The following TBC1D5 variants were observed in gnomAD, a reference collection of about 807,000 sequenced individuals.
The protein encoded by TBC1D5 is TBC1 domain family, member 5.
A neutral mutation model predicts 100.3 loss-of-function variants in TBC1D5; 75 were observed. That is an observed-to-expected ratio of 0.75 (90% CI 0.62 to 0.91). TBC1D5 has a LOEUF of 0.91. Ranked by LOEUF, TBC1D5 falls within the 40% of genes least tolerant of loss-of-function variation. TBC1D5 has a pLI of 0.00. For synonymous variants in TBC1D5, 323 were observed against 325.6 expected, an observed-to-expected ratio of 0.99 and a Z score of 0.09; for missense variants, 910 against 942.4, an observed-to-expected ratio of 0.97 and a Z score of 0.45.
chr3:17,326,901 T>C (rs1391571307), intron 13 of TBC1D5, among the ~76,000 whole-genome samples: 1 of 152,218 alleles, frequency 6.6e-6, no homozygotes, highest in African/African-American at 2.4e-5. Flanking sequence ...CCAAAAACCT[T>C]GGAGTCTTCA....
intron 13 of TBC1D5, among the ~76,000 whole-genome samples, chr3:17,343,073 TG>T (rs1246812374): frequency 6.6e-6 from 1 of 152,200 alleles, no homozygotes; most frequent in Non-Finnish European, 1.5e-5. Flanking sequence ...TTCCAGTTTT[TG>T]CCCATTCAGT....
chr3:17,398,884 CCAAA>C (rs1468951944), intron 8 of TBC1D5, among the ~76,000 whole-genome samples: 1 of 151,786 alleles, frequency 6.6e-6, no homozygotes, highest in African/African-American at 2.4e-5. Flanking sequence ...AAATAAAAGA[CCAAA>C]CAAAATTAAA....
intron 1 of TBC1D5, among the ~76,000 whole-genome samples, chr3:17,689,518 CAAAA>C (rs373476990): frequency 5.4e-5 from 3 of 55,064 alleles, no homozygotes. Flanking sequence ...GACCCTGTCT[CAAAA>C]AAAAAAAAAA....
intron 1 of TBC1D5, among the ~76,000 whole-genome samples, chr3:17,632,056 T>C (rs1414381614): frequency 6.6e-6 from 1 of 152,232 alleles, no homozygotes; most frequent in African/African-American, 2.4e-5. Context: ...CAAAGTCAAT[T>C]GAAACCTTCT....
At chr3:17,313,963 G>T (rs2084356415) in intron 13 of TBC1D5, among the ~76,000 whole-genome samples, 2 of 152,102 alleles carry the variant, frequency 1.3e-5, no homozygotes, top group Admixed American at 1.3e-4. Flanking sequence ...TACCCTCCGG[G>T]GTTATCACTG....
intron 4 of TBC1D5, among the ~76,000 whole-genome samples, chr3:17,427,963 G>GT (rs1432042939): frequency 6.6e-6 from 1 of 151,814 alleles, no homozygotes; most frequent in Non-Finnish European, 1.5e-5. Flanking sequence ...TAATTGAGAA[G>GT]TAATAGCCCT....
intron 3 of TBC1D5, among the ~76,000 whole-genome samples, chr3:17,439,069 A>G (rs995301882): frequency 6.6e-6 from 1 of 152,190 alleles, no homozygotes; most frequent in African/African-American, 2.4e-5. Context: ...CTTCAGTGCA[A>G]TAAAAAGGAA....
chr3:17,680,441 G>A lies in TBC1D5; in HGVS notation c.-100-56528C>T, dbSNP rs930308981. Among the ~76,000 whole-genome samples the A allele has an allele frequency of 9.9e-5, 15 of 150,820 alleles. 2 individuals carry two copies. The highest frequency in any genetic ancestry group is 3.7e-4 in the African/African-American group (15 of 40,360). Reference sequence around the variant, plus strand: ...AGGATCTCCCTATGTTCCTCAGGTTGATCTCAAACTCCTGGGCGCAAGTGA... The same window carrying A: ...AGGATCTCCCTATGTTCCTCAGGTTAATCTCAAACTCCTGGGCGCAAGTGA... On this transcript the variant is annotated intron_variant, in intron 1 of 21. Transcript: ENST00000253692.
intron 1 of TBC1D5, among the ~76,000 whole-genome samples, chr3:17,692,547 A>C (rs1397730614): frequency 6.6e-6 from 1 of 152,242 alleles, no homozygotes; most frequent in South Asian, 2.1e-4. Flanking sequence ...AAAGAGGTCT[A>C]AACAAAATAC....
At chr3:17,260,002 G>A (rs2078123827) in intron 15 of TBC1D5, among the ~76,000 whole-genome samples, 2 of 151,970 alleles carry the variant, frequency 1.3e-5, no homozygotes, top group Admixed American at 1.3e-4. Context: ...CTTCCATGAC[G>A]ACCATACTAT....
intron 3 of TBC1D5, among the ~76,000 whole-genome samples, chr3:17,497,073 TTC>T (rs1289759393): frequency 1.5e-4 from 13 of 85,162 alleles, no homozygotes; most frequent in East Asian, 7.6e-4. Flanking sequence ...CTCTCTTTCT[TTC>T]TCTCTCTCTC....
At chr3:17,450,508 A>T (rs2094900651) in intron 3 of TBC1D5, among the ~76,000 whole-genome samples, 1 of 152,190 alleles carries the variant, frequency 6.6e-6, no homozygotes, top group Non-Finnish European at 1.5e-5. Context: ...AGGAACTGCT[A>T]ACTAGAATAA....
At chr3:17,340,889 G>A (rs2088784866) in intron 13 of TBC1D5, among the ~76,000 whole-genome samples, 1 of 152,092 alleles carries the variant, frequency 6.6e-6, no homozygotes, top group African/African-American at 2.4e-5. Context: ...CCATGTCTCT[G>A]GTACTTTCTT....
chr3:17,234,301 C>T (rs2148949728), intron 17 of TBC1D5, among the ~76,000 whole-genome samples: 1 of 152,160 alleles, frequency 6.6e-6, no homozygotes, highest in African/African-American at 2.4e-5. Context: ...AACCTGTGAA[C>T]TGCATACCCT....
At chr3:17,464,678 T>G (rs1576155689) in intron 3 of TBC1D5, among the ~76,000 whole-genome samples, 1 of 152,314 alleles carries the variant, frequency 6.6e-6, no homozygotes, top group East Asian at 1.9e-4. Flanking sequence ...ACTTACGGTT[T>G]TCACCCCTAC....
At chr3:17,694,810 T>C (rs1375632371) in intron 1 of TBC1D5, among the ~76,000 whole-genome samples, 1 of 151,716 alleles carries the variant, frequency 6.6e-6, no homozygotes, top group Non-Finnish European at 1.5e-5. Context: ...TTCACTAAGG[T>C]TGAAATGAAG....
intron 3 of TBC1D5, among the ~76,000 whole-genome samples, chr3:17,431,408 C>G (rs2094445610): frequency 6.6e-6 from 1 of 151,872 alleles, no homozygotes. Flanking sequence ...ACAGTTGTAA[C>G]TTTAAAGGTA....
chr3:17,241,859 A>G lies in TBC1D5; in HGVS notation c.1332-3440T>C, dbSNP rs532729800. On this transcript the variant is annotated intron_variant, in intron 16 of 21. Coordinates refer to ENST00000253692, the Ensembl canonical transcript of TBC1D5. ...AAGTTGCAAGTATACTAGGATATAA[A>G]TGTTTAAAAAAAACCCAAAAAAACC... Among the ~76,000 whole-genome samples the G allele has an allele frequency of 1.5e-4, 23 of 152,360 alleles. 1 individual carries two copies. The South Asian group carries it at 4.3e-3, about 29-fold the overall frequency.
chr3:17,612,881 C>T (rs1455176575), intron 2 of TBC1D5, among the ~76,000 whole-genome samples: 3 of 149,636 alleles, frequency 2.0e-5, no homozygotes, highest in South Asian at 4.2e-4. Context: ...TGAGAAAGCC[C>T]CCTTTTCTTT....
Sources: allele counts gnomAD v4.1 joint callset (sites outside exome capture counted in the v4.1 genomes callset), GRCh38; gene constraint gnomAD v4.1.1; transcripts MANE v1.5; gene names NCBI Gene and HGNC (gene_info 2026-07-23, HGNC 2026-07-21).